PDSS2: variants seen among roughly 807,000 people sequenced by gnomAD.
The protein encoded by PDSS2 is all trans-polyprenyl-diphosphate synthase PDSS2.
In PDSS2, 31 loss-of-function variants were observed where a neutral mutation model predicts 44.5. The observed-to-expected ratio is 0.70, with a 90% CI of 0.52 to 0.94. The LOEUF is 0.94. PDSS2 is among the 40% of genes least tolerant of loss of function. PDSS2 has a pLI of 0.00. For missense variants in PDSS2, 452 were observed against 482.2 expected, an observed-to-expected ratio of 0.94 and a Z score of 0.59; for synonymous variants, 157 against 180.3, an observed-to-expected ratio of 0.87 and a Z score of 1.03.
At chr6:107,216,330 G>A (rs752679008) in intron 4 of PDSS2, among the ~76,000 whole-genome samples, 32 of 151,394 alleles carry the variant, frequency 2.1e-4, no homozygotes, top group Non-Finnish European at 2.8e-4. Context: ...AAAATTAGCC[G>A]GGCATGGTGA....
At position 107,430,049 on chromosome 6, in the gene PDSS2, A is replaced by G. The variant is rs886328987; in HGVS notation, c.296+28941T>C. On this transcript the variant is annotated intron_variant, in intron 1 of 7. Transcript: ENST00000369037. ...ATTGCTAAAATTACTTAGCATATAC[A>G]AGACCTCTTGACATATATTATTCTC... 6.0e-5 allele frequency among the ~76,000 whole-genome samples: 9 copies of G among 151,064 alleles called. No homozygotes were observed. In the East Asian group the frequency reaches 1.8e-3, roughly 30 times the overall value.
In PDSS2 at chr6:107,441,134, T is replaced by C. The variant is rs577898339; in HGVS notation, c.296+17856A>G. On this transcript the variant is annotated intron_variant, in intron 1 of 7. Transcript: ENST00000369037. Reference sequence around the variant, plus strand: ...TCCAGCCCACCATCCATAAAATGTGTCACTCAAAAATGGCTTCTAGAGCTC... The same window carrying C: ...TCCAGCCCACCATCCATAAAATGTGCCACTCAAAAATGGCTTCTAGAGCTC... Among the ~76,000 whole-genome samples, 4 of 152,302 alleles carry C rather than the reference T, an allele frequency of 2.6e-5. No homozygotes were observed. In the South Asian group the frequency reaches 8.3e-4, roughly 32 times the overall value.
intron 7 of PDSS2, among the ~76,000 whole-genome samples, chr6:107,169,784 A>G (rs1360095475): frequency 4.6e-5 from 7 of 152,200 alleles, no homozygotes; most frequent in African/African-American, 1.4e-4. Flanking sequence ...CAGAGGTTGC[A>G]GAACAGCGAA....
At chr6:107,434,607 T>C (rs147821979) in intron 1 of PDSS2, among the ~76,000 whole-genome samples, 8 of 152,264 alleles carry the variant, frequency 5.3e-5, no homozygotes, top group African/African-American at 1.2e-4. Flanking sequence ...CTGGGAAGCA[T>C]AGTGGCAGGT....
intron 1 of PDSS2, among the ~76,000 whole-genome samples, chr6:107,420,431 C>T (rs1242847795): frequency 3.3e-5 from 5 of 152,202 alleles, no homozygotes; most frequent in African/African-American, 9.7e-5. Flanking sequence ...TATATTGTCT[C>T]ACTACATCGC....
chr6:107,388,867 A>G (rs1439680575), intron 1 of PDSS2, among the ~76,000 whole-genome samples: 1 of 152,204 alleles, frequency 6.6e-6, no homozygotes, highest in Middle Eastern at 3.2e-3. Context: ...ATACAATGTA[A>G]TATTATGCAG....
chr6:107,429,911 T>A (rs373204321), intron 1 of PDSS2, among the ~76,000 whole-genome samples: 27,702 of 55,838 alleles, frequency 0.5, 8,427 homozygotes, highest in Middle Eastern at 0.66. Flanking sequence ...AATATATATA[T>A]ATATATATAT....
At chr6:107,359,640 AG>A (rs1365032091) in intron 1 of PDSS2, among the ~76,000 whole-genome samples, 1 of 146,042 alleles carries the variant, frequency 6.8e-6, no homozygotes, top group East Asian at 2.1e-4. Flanking sequence ...AAAAAAAAAA[AG>A]GGAGAGAGAG....
intron 1 of PDSS2, among the ~76,000 whole-genome samples, chr6:107,351,599 A>G (rs1031217769): frequency 1.3e-5 from 2 of 152,182 alleles, no homozygotes; most frequent in African/African-American, 4.8e-5. Context: ...TCTCTATAAT[A>G]TATAAGCACA....
chr6:107,185,298 G>C (rs960197712), intron 7 of PDSS2, among the ~76,000 whole-genome samples: 3 of 152,092 alleles, frequency 2.0e-5, no homozygotes, highest in African/African-American at 7.2e-5. Flanking sequence ...AGGCACTGGT[G>C]AAAGAATGAA....
chr6:107,284,170 T>C (rs1351270055), intron 2 of PDSS2, among the ~76,000 whole-genome samples: 1 of 152,084 alleles, frequency 6.6e-6, no homozygotes, highest in Non-Finnish European at 1.5e-5. Context: ...TCTCTTCTTT[T>C]TGAGAGGTTA....
chr6:107,301,149 T>C (rs1254636091), intron 2 of PDSS2, among the ~76,000 whole-genome samples: 1 of 152,210 alleles, frequency 6.6e-6, no homozygotes, highest in African/African-American at 2.4e-5. Context: ...TTATAGTATA[T>C]AAATTGTGAT....
intron 1 of PDSS2, among the ~76,000 whole-genome samples, chr6:107,407,862 G>C (rs1439282932): frequency 2.0e-5 from 3 of 151,594 alleles, no homozygotes; most frequent in Non-Finnish European, 4.4e-5. Flanking sequence ...ACCATGCATG[G>C]CTAATTTTTG....
At chr6:107,360,568 T>G (rs1778739767) in intron 1 of PDSS2, among the ~76,000 whole-genome samples, 1 of 41,796 alleles carries the variant, frequency 2.4e-5, no homozygotes, top group South Asian at 1.7e-3. Context: ...AGCTCTGCAT[T>G]AAAAACCAAC....
chr6:107,185,157 G>A (rs866898580), intron 7 of PDSS2, among the ~76,000 whole-genome samples: 1 of 145,022 alleles, frequency 6.9e-6, no homozygotes, highest in African/African-American at 2.8e-5. Context: ...GAAGAAGAAG[G>A]AGAAGGAGAA....
chr6:107,319,027 T>C lies in PDSS2; in HGVS notation c.431+15171A>G, dbSNP rs111697101. ...ATATATACACACACACACACACACA[T>C]ACACACACACACACACTACACACAC... On this transcript the variant is annotated intron_variant, in intron 2 of 7. Coordinates refer to ENST00000369037, the MANE Select transcript of PDSS2 (RefSeq NM_020381.4). Among the ~76,000 whole-genome samples the C allele has an allele frequency of 4.6e-3, 379 of 82,354 alleles. 6 individuals are homozygous for C. The highest frequency in any genetic ancestry group is 1.0e-2 in the African/African-American group (289 of 28,960). 54.0% of individuals were successfully genotyped at this position (82,354 alleles called of 152,430 possible).
At chr6:107,296,122 A>C (rs957790418) in intron 2 of PDSS2, among the ~76,000 whole-genome samples, 2 of 152,214 alleles carry the variant, frequency 1.3e-5, no homozygotes, top group African/African-American at 4.8e-5. Flanking sequence ...TCTAGGAGTA[A>C]GGATGATATG....
At chr6:107,180,396 T>C (rs942765132) in intron 7 of PDSS2, among the ~76,000 whole-genome samples, 2 of 152,060 alleles carry the variant, frequency 1.3e-5, no homozygotes, top group Non-Finnish European at 2.9e-5. Flanking sequence ...GTGAGAGGCA[T>C]TGAGGATGTA....
At chr6:107,221,561 C>A (rs981528546) in intron 4 of PDSS2, among the ~76,000 whole-genome samples, 1 of 151,744 alleles carries the variant, frequency 6.6e-6, no homozygotes, top group South Asian at 2.1e-4. Context: ...AAATGTAGGT[C>A]TCACTGTCAC....
Sources: gnomAD v4.1 joint callset for allele counts (sites outside exome capture counted in the v4.1 genomes callset) on GRCh38, gnomAD v4.1.1 for gene constraint, MANE v1.5 for transcripts, NCBI Gene and HGNC (gene_info 2026-07-23, HGNC 2026-07-21) for gene names.